The following AGXT variants were observed in gnomAD, a reference collection of about 807,000 sequenced individuals.
AGXT encodes the protein alanine--glyoxylate aminotransferase.
In AGXT, 41 loss-of-function variants were observed where a neutral mutation model predicts 46.9. The observed-to-expected ratio is 0.88, with a 90% CI of 0.68 to 1.14. AGXT has a LOEUF of 1.14. Among genes scored for constraint, AGXT ranks in the 50% most tolerant of loss-of-function variants. AGXT has a pLI of 0.00. For synonymous variants in AGXT, 244 were observed against 227.9 expected, an observed-to-expected ratio of 1.07 and a Z score of -0.64; for missense variants, 525 against 522.7, an observed-to-expected ratio of 1.00 and a Z score of -0.04.
chr2:240,873,928 C>T (rs1344681677), intron 5 of AGXT, 50 bp from the exon 6 acceptor site: 26 of 1,555,940 alleles, frequency 1.7e-5, no homozygotes, highest in Non-Finnish European at 2.1e-5. Context: ...GCTGGACTGG[C>T]CTGCCCTGAG....
intron 7 of AGXT, among the ~76,000 whole-genome samples, chr2:240,875,640 C>T (rs561335581): frequency 2.0e-5 from 3 of 152,354 alleles, no homozygotes; most frequent in South Asian, 2.1e-4. Flanking sequence ...GGGCCAGTGC[C>T]GGCTTCGCAG....
intron 2 of AGXT, among the ~76,000 whole-genome samples, 187 bp from the exon 3 acceptor site, chr2:240,870,457 C>G (rs1203227450): frequency 6.6e-6 from 1 of 152,102 alleles, no homozygotes; most frequent in Non-Finnish European, 1.5e-5. Flanking sequence ...TCAAGATGGC[C>G]CTGGCTCTAC....
intron 8 of AGXT, chr2:240,877,164 G>A: frequency 2.3e-6 from 1 of 439,696 alleles, no homozygotes. Context: ...GCCCTGAGAG[G>A]AGAGGGGGCC....
intron 4 of AGXT, among the ~76,000 whole-genome samples, chr2:240,872,048 G>T (rs897140643): frequency 3.3e-5 from 5 of 152,214 alleles, no homozygotes; most frequent in African/African-American, 1.2e-4. Context: ...ACATAACCTG[G>T]CCAGCTTCAG....
chr2:240,878,204 C>T, intron 10 of AGXT, 54 bp downstream of exon 10: 2 of 1,605,704 alleles, frequency 1.2e-6, no homozygotes, highest in East Asian at 2.2e-5. Context: ...GCCACCCCTC[C>T]TTGAGCAGGA....
chr2:240,874,487 G>A (rs987774833), intron 6 of AGXT, among the ~76,000 whole-genome samples: 1 of 152,252 alleles, frequency 6.6e-6, no homozygotes, highest in Non-Finnish European at 1.5e-5. Context: ...GCCAGGCCGG[G>A]CAGGGGGTAG....
intron 6 of AGXT, 82 bp downstream of exon 6, chr2:240,874,144 G>A: frequency 1.4e-6 from 2 of 1,417,702 alleles, no homozygotes; most frequent in South Asian, 1.2e-5. Flanking sequence ...AGGGGCGGGA[G>A]CCAGGCAGGA....
At position 240,869,254 on chromosome 2, in the gene AGXT, T is replaced by C; in HGVS notation, c.250T>C (p.Cys84Arg). ...LTLVISGSGH[C>R]ALEAALVNVL... Reference sequence around the variant, plus strand: ...ACTGGTCATCTCTGGCTCGGGACACTGTGCCCTGGAGGCCGCCCTGGTCAA... The same window carrying C: ...ACTGGTCATCTCTGGCTCGGGACACCGTGCCCTGGAGGCCGCCCTGGTCAA... The change falls in exon 2 of 11, where the codon TGT becomes CGT. Residue 84 changes from cysteine to arginine, a missense_variant. Transcript: ENST00000307503. 1 of 1,613,870 alleles carries C rather than the reference T, an allele frequency of 6.2e-7. No individual in the cohort carries two copies. The highest frequency in any genetic ancestry group is 8.5e-7 in the Non-Finnish European group (1 of 1,180,016).
At chr2:240,875,047 G>A in intron 6 of AGXT, 62 bp from the exon 7 acceptor site, 1 of 1,433,008 alleles carries the variant, frequency 7.0e-7, no homozygotes, top group East Asian at 2.3e-5. Context: ...CAGCCAGCGA[G>A]ACTGCCCTGG....
chr2:240,869,428 T>C, intron 2 of AGXT, 66 bp downstream of exon 2: 1 of 1,487,446 alleles, frequency 6.7e-7, no homozygotes, highest in African/African-American at 1.4e-5. Context: ...GGCCTCCCTC[T>C]GTTTGAAGCT....
chr2:240,877,732 G>A, intron 9 of AGXT, 100 bp downstream of exon 9: 2 of 1,342,926 alleles, frequency 1.5e-6, no homozygotes, highest in East Asian at 2.5e-5. Context: ...CTGAGAAGGA[G>A]GGGGCGGCTG....
chr2:240,873,125 C>T (rs866224058), intron 5 of AGXT, 76 bp downstream of exon 5: 5 of 1,313,766 alleles, frequency 3.8e-6, no homozygotes, highest in African/African-American at 2.9e-5. Flanking sequence ...CTGCTGGAAG[C>T]GTGCGTCCAG....
intron 7 of AGXT, among the ~76,000 whole-genome samples, chr2:240,875,614 G>A (rs2059020472): frequency 6.6e-6 from 1 of 152,268 alleles, no homozygotes; most frequent in Non-Finnish European, 1.5e-5. Flanking sequence ...TGGTGCCCTA[G>A]CCCAGTGGGC....
chr2:240,872,246 A>AAGAGTTCGTGAACATGCAGGAGGAGGGTG (rs2058994756), intron 4 of AGXT, among the ~76,000 whole-genome samples: 1 of 51,154 alleles, frequency 2.0e-5, no homozygotes, highest in African/African-American at 7.5e-5. Context: ...GGAGGAGGAT[A>AAGAGTTCGTGAACATGCAGGAGGAGGGTG]AGAGTTCGTG....
At chr2:240,875,789 C>A in intron 7 of AGXT, 146 bp from the exon 8 acceptor site, 1 of 900,090 alleles carries the variant, frequency 1.1e-6, no homozygotes, top group Non-Finnish European at 1.8e-6. Context: ...GTCCAAAGTT[C>A]TGAACCCGGA....
intron 4 of AGXT, among the ~76,000 whole-genome samples, chr2:240,871,942 A>G (rs939432881): frequency 6.6e-6 from 1 of 152,258 alleles, no homozygotes; most frequent in Non-Finnish European, 1.5e-5. Context: ...CACAGGACAG[A>G]GGAGAGAAAC....
At chr2:240,873,489 C>A in intron 5 of AGXT, 1 of 262,932 alleles carries the variant, frequency 3.8e-6, no homozygotes, top group Non-Finnish European at 7.3e-6. Context: ...GGAACCTCAA[C>A]CAGGCCGGCC....
intron 7 of AGXT, among the ~76,000 whole-genome samples, chr2:240,875,584 C>T (rs2059020282): frequency 6.6e-6 from 1 of 152,254 alleles, no homozygotes; most frequent in Non-Finnish European, 1.5e-5. Context: ...ATGTTACACA[C>T]AGGAACAAGG....
intron 8 of AGXT, chr2:240,877,230 A>G (rs1430075143): frequency 1.8e-6 from 1 of 562,936 alleles, no homozygotes; most frequent in Admixed American, 2.2e-5. Context: ...GTGTAGCCCA[A>G]CAGCCCTTCC....
Sources: allele counts gnomAD v4.1 joint callset (sites outside exome capture counted in the v4.1 genomes callset), GRCh38; gene constraint gnomAD v4.1.1; transcripts MANE v1.5; gene names NCBI Gene and HGNC (gene_info 2026-07-23, HGNC 2026-07-21).